Variants in MED27 observed in about 807,000 individuals in gnomAD.
MED27 encodes the protein mediator of RNA polymerase II transcription subunit 27.
MED27 carries 30 observed loss-of-function variants against 38.2 expected under a neutral mutation model. That is an observed-to-expected ratio of 0.79 (90% confidence interval 0.59 to 1.07). The LOEUF (loss-of-function observed/expected upper bound fraction) is 1.07, where lower values mean the gene tolerates loss of function less well. Among genes scored for constraint, MED27 ranks in the 50% least tolerant of loss-of-function variants. The probability of loss-of-function intolerance (pLI) is 0.00; values close to 1 mark genes in which losing one functional copy is unlikely to be tolerated. For synonymous variants in MED27, 122 were observed against 153.5 expected (o/e 0.79, Z 1.52); for missense variants, 289 against 397.5 (o/e 0.73, Z 2.32).
intron 3 of MED27, among the ~76,000 whole-genome samples, chr9:131,980,060 A>G (rs1407507357): frequency 3.3e-5 from 5 of 152,150 alleles, no homozygotes; most frequent in African/African-American, 1.2e-4. Flanking sequence ...TACCTCTAAC[A>G]AGAAAATTGT....
rs575194166 is a variant in MED27 at position 131,883,942 on chromosome 9, T to C, written c.723+116A>G. On this transcript the variant is annotated intron_variant, in intron 6 of 7. Coordinates refer to ENST00000292035, the MANE Select transcript of MED27 (RefSeq NM_004269.4). The surrounding 1 kb of genome is among the most constrained non-coding windows in gnomAD (Gnocchi z 4.2). ...TGGAATCAGACAGTGAGCATCCTTT[T>C]CTGTCTGGCTTTTTTCACTTTTTCA... is the stretch of plus-strand genomic sequence containing the variant. The C allele has an allele frequency of 9.6e-5, 83 of 868,952 alleles. No homozygotes were observed. In the African/African-American group the frequency reaches 1.2e-3, roughly 13 times the overall value. The allele number at this position is 868,952 out of a possible 1,614,324, so 53.8% of individuals were successfully genotyped here. A position where few individuals can be genotyped will look rare whatever the true frequency, so the allele number is the denominator to read the frequency against.
At chr9:132,063,293 G>C (rs1449641195) in intron 2 of MED27, among the ~76,000 whole-genome samples, 2 of 152,154 alleles carry the variant, frequency 1.3e-5, no homozygotes, top group Admixed American at 1.3e-4. Context: ...CTAGCCAAGA[G>C]CTCTGAAACC....
intron 4 of MED27, among the ~76,000 whole-genome samples, chr9:131,935,878 A>C (rs1830673184): frequency 1.3e-5 from 2 of 152,104 alleles, no homozygotes. Context: ...GGCCAGGTAC[A>C]GTGGCTCATA....
chr9:131,885,247 A>G (rs531245198), intron 5 of MED27, among the ~76,000 whole-genome samples: 2 of 152,350 alleles, frequency 1.3e-5, no homozygotes, highest in Admixed American at 1.3e-4. Context: ...TATTCTCCAG[A>G]TGGGGAAACA....
intron 3 of MED27, among the ~76,000 whole-genome samples, chr9:131,980,047 A>C (rs1273696469): frequency 6.6e-6 from 1 of 152,218 alleles, no homozygotes; most frequent in Non-Finnish European, 1.5e-5. Flanking sequence ...AAAAGCACAG[A>C]TATACCTCTA....
intron 2 of MED27, among the ~76,000 whole-genome samples, chr9:132,045,413 TACACACACACACACACACACAC>T (rs61360267): frequency 1.9e-4 from 27 of 144,494 alleles, no homozygotes; most frequent in Non-Finnish European, 1.1e-4. Context: ...AAGAGGAAAT[TACACACACACACACACACACAC>T]ACACACACAC....
In MED27 at chr9:131,967,665, A is replaced by AT. The variant is rs764682963; in HGVS notation, c.480-28192dup. Among the ~76,000 whole-genome samples, 569 of 123,010 alleles carry AT rather than the reference A, an allele frequency of 4.6e-3. 2 individuals carry two copies. The highest frequency in any genetic ancestry group is 0.021 in the East Asian group (89 of 4,172). 80.7% of individuals were successfully genotyped at this position (123,010 alleles called of 152,430 possible). ...CACCACCAAGCCCAGCTAATTTTGT[A>AT]TTTTTTTTTTTTTTTTAGTAGAGAC... On this transcript the variant is annotated intron_variant, in intron 3 of 7. Transcript: ENST00000292035.
Position 131,917,906 on chromosome 9 carries a change from G to A in MED27, c.573+21475C>T, listed in dbSNP as rs892103243. 6.6e-6 allele frequency among the ~76,000 whole-genome samples: 1 copy of A among 152,156 alleles called. No individual in the cohort carries two copies. The highest frequency in any genetic ancestry group is 1.5e-5 in the Non-Finnish European group (1 of 68,028). ...AAAAATAAAAATAAAGGTAGTGGTA[G>A]TACTATGCATTCACTCAACCCACTT... On this transcript the variant is annotated intron_variant, in intron 4 of 7. Transcript: ENST00000292035. This position sits in a 1 kb window ranked among gnomAD's most constrained non-coding sequence, Gnocchi z 4.6.
chr9:132,046,355 C>T (rs922372467), intron 2 of MED27, among the ~76,000 whole-genome samples: 23 of 151,936 alleles, frequency 1.5e-4, no homozygotes, highest in African/African-American at 4.8e-4. Flanking sequence ...CTGAAACAGG[C>T]CAACTAATAT....
At chr9:131,943,747 C>T (rs879492369) in intron 3 of MED27, among the ~76,000 whole-genome samples, 17 of 152,178 alleles carry the variant, frequency 1.1e-4, no homozygotes, top group Non-Finnish European at 2.4e-4. Flanking sequence ...AGGGTAATAA[C>T]TTGGAAAGAC....
chr9:131,864,732 G>A (rs1014745603), intron 6 of MED27, among the ~76,000 whole-genome samples: 4 of 152,274 alleles, frequency 2.6e-5, no homozygotes, highest in Non-Finnish European at 1.5e-5. Context: ...CCCACAAAAC[G>A]TGAGGACGCC....
chr9:131,960,484 CAA>C (rs1371754917), intron 3 of MED27, among the ~76,000 whole-genome samples: 3 of 152,156 alleles, frequency 2.0e-5, no homozygotes, highest in Non-Finnish European at 2.9e-5. Flanking sequence ...AATGATCCAG[CAA>C]AGAGTCTCTC....
chr9:131,947,710 T>G (rs1589227757), intron 3 of MED27, among the ~76,000 whole-genome samples: 1 of 151,748 alleles, frequency 6.6e-6, no homozygotes, highest in East Asian at 1.9e-4. Context: ...ACAACAAATC[T>G]GGGCCCTAGC....
chr9:131,937,140 C>T (rs752639986), intron 4 of MED27, among the ~76,000 whole-genome samples: 2 of 152,186 alleles, frequency 1.3e-5, no homozygotes, highest in Non-Finnish European at 2.9e-5. Context: ...TTCCCATCAC[C>T]CACCTCACGA....
chr9:131,973,370 T>C (rs957160754), intron 3 of MED27, among the ~76,000 whole-genome samples: 1 of 152,124 alleles, frequency 6.6e-6, no homozygotes, highest in African/African-American at 2.4e-5. Flanking sequence ...GCATGTGATG[T>C]GTGACCATTC....
intron 6 of MED27, among the ~76,000 whole-genome samples, chr9:131,879,780 C>T (rs549490527): frequency 4.6e-5 from 7 of 152,282 alleles, no homozygotes; most frequent in Non-Finnish European, 7.4e-5. Context: ...AGATGTCTGC[C>T]GCAGTGCTCC....
chr9:131,876,473 C>T (rs577069799), intron 6 of MED27, among the ~76,000 whole-genome samples: 6 of 152,194 alleles, frequency 3.9e-5, no homozygotes, highest in East Asian at 1.9e-4. Flanking sequence ...ACTGGGGCGG[C>T]GTAAGAGGAG....
intron 3 of MED27, among the ~76,000 whole-genome samples, chr9:131,955,554 T>C (rs774094892): frequency 7.9e-5 from 12 of 152,182 alleles, no homozygotes; most frequent in Non-Finnish European, 1.2e-4. Flanking sequence ...AATTTATCAA[T>C]ATCAGGAATG....
intron 2 of MED27, among the ~76,000 whole-genome samples, chr9:132,050,839 G>A (rs1023550311): frequency 7.9e-5 from 12 of 152,190 alleles, no homozygotes; most frequent in Admixed American, 6.5e-4. Context: ...TGTCTCCCCC[G>A]GCAGAATGTA....
Sources: gnomAD v4.1 joint callset for allele counts (sites outside exome capture counted in the v4.1 genomes callset) on GRCh38, gnomAD v4.1.1 for gene constraint, Gnocchi (gnomAD v3.1) non-coding constraint, MANE v1.5 for transcripts, NCBI Gene and HGNC (gene_info 2026-07-23, HGNC 2026-07-21) for gene names.